The following CIITA variants were observed in gnomAD, a reference collection of about 807,000 sequenced individuals.
The protein encoded by CIITA is class II major histocompatibility complex transactivator.
In CIITA, 72 loss-of-function variants were observed where a neutral mutation model predicts 115.1. That is an observed-to-expected ratio of 0.63 (90% CI 0.52 to 0.76). The LOEUF (loss-of-function observed/expected upper bound fraction) is 0.76, where lower values mean the gene tolerates loss of function less well. Among genes scored for constraint, CIITA ranks in the 30% least tolerant of loss-of-function variants. CIITA has a pLI of 0.00. For synonymous variants in CIITA, 763 were observed against 635.6 expected (o/e 1.20, Z -3.02); for missense variants, 1,617 against 1,463.8 (o/e 1.10, Z -1.71).
chr16:10,941,846 C>A lies in CIITA; in HGVS notation n.972C>A, dbSNP rs752920646. 31 of 1,612,892 alleles carry A rather than the reference C, an allele frequency of 1.9e-5. No individual in the cohort carries two copies. Among genetic ancestry groups the A allele is most frequent in the Middle Eastern group, 1.8e-4 (1 of 5,416 alleles). On this transcript the variant is annotated non_coding_transcript_exon_variant, in exon 2 of 2. Coordinates refer to the CIITA transcript ENST00000573379. This position sits in a 1 kb window ranked among gnomAD's most constrained non-coding sequence, Gnocchi z 6.4. ...TCCTCGGGCAGGAAGACGAGGCCCA[C>A]GTTGAGGACGATGTACTCCATGAGG...
chr16:10,884,787 G>T lies in CIITA; in HGVS notation c.52+7405G>T, dbSNP rs1157090249. ...AAGTGCACCCAACACCCCAGATGCT[G>T]CAACTTTAGTGCTTCCTGCTCCTTC... On this transcript the variant is annotated intron_variant, in intron 1 of 19. Coordinates refer to ENST00000324288, the MANE Select transcript of CIITA (RefSeq NM_000246.4). Among the ~76,000 whole-genome samples, 3 of 152,134 alleles carry T rather than the reference G, an allele frequency of 2.0e-5. No homozygotes were observed. The East Asian group carries it at 5.8e-4, about 29-fold the overall frequency.
chr16:10,868,995 G>T (rs914592337), intron 1 of CIITA, among the ~76,000 whole-genome samples: 5 of 152,226 alleles, frequency 3.3e-5, no homozygotes, highest in African/African-American at 1.2e-4. Context: ...GCTCTCAGAG[G>T]GGAAGAAAGA....
At chr16:10,911,465 C>A (rs915909728) in intron 13 of CIITA, among the ~76,000 whole-genome samples, 4 of 146,802 alleles carry the variant, frequency 2.7e-5, no homozygotes, top group Non-Finnish European at 6.0e-5. Flanking sequence ...CCTTTCTCTC[C>A]TTTCTCTTTC....
At chr16:10,896,280 C>A (rs963322392) in intron 3 of CIITA, among the ~76,000 whole-genome samples, 1 of 152,166 alleles carries the variant, frequency 6.6e-6, no homozygotes, top group African/African-American at 2.4e-5. Context: ...AGAGGTGAAA[C>A]GACCTACCCA....
At chr16:10,916,526 T>C (rs2039962286) in intron 15 of CIITA, 67 bp downstream of exon 15, 1 of 1,387,102 alleles carries the variant, frequency 7.2e-7, no homozygotes. Context: ...TTTTTCAAAA[T>C]TAATTTAAAT....
chr16:10,916,500 C>A, intron 15 of CIITA, 41 bp downstream of exon 15: 1 of 1,548,776 alleles, frequency 6.5e-7, no homozygotes, highest in East Asian at 2.3e-5. Flanking sequence ...AATCGGGCCC[C>A]CAAAGTCCGG....
chr16:10,874,170 G>A (rs907268362), upstream of CIITA, among the ~76,000 whole-genome samples: 5 of 152,038 alleles, frequency 3.3e-5, no homozygotes, highest in Non-Finnish European at 5.9e-5. Flanking sequence ...TTTTAGTAGA[G>A]ACAGGGTTTC....
Position 10,941,505 on chromosome 16 carries a change from A to C in CIITA, n.631A>C. 7.3e-7 allele frequency: 1 copy of C among 1,372,052 alleles called. No individual in the cohort carries two copies. The highest frequency in any genetic ancestry group is 2.8e-5 in the East Asian group (1 of 35,388). 85.0% of individuals were successfully genotyped at this position (1,372,052 alleles called of 1,614,324 possible). A position where few individuals can be genotyped will look rare whatever the true frequency, so the allele number is the denominator to read the frequency against. ...GGGAGGGGTGTGTATCCGGCCTGGG[A>C]ATTCCTCCCTCTCCCTTGCTAGCGC... On this transcript the variant is annotated non_coding_transcript_exon_variant, in exon 2 of 2. Coordinates refer to the CIITA transcript ENST00000573379. The surrounding 1 kb of genome is among the most constrained non-coding windows in gnomAD (Gnocchi z 6.4).
chr16:10,919,012 A>G lies in CIITA; in HGVS notation c.3149+486A>G, dbSNP rs1346859200. ...CCCTGGTGTGGTCCCAGAGGTAATG[A>G]GCGGACTGAGCTTGGACCAGAGCCC... On this transcript the variant is annotated intron_variant, in intron 16 of 19. Transcript: ENST00000324288. 3.3e-5 allele frequency among the ~76,000 whole-genome samples: 5 copies of G among 152,020 alleles called. 1 individual carries two copies. Among genetic ancestry groups the G allele is most frequent in the African/African-American group, 1.2e-4 (5 of 41,358 alleles).
chr16:10,883,017 A>G (rs1404670786), intron 1 of CIITA, among the ~76,000 whole-genome samples: 2 of 152,116 alleles, frequency 1.3e-5, no homozygotes, highest in Non-Finnish European at 2.9e-5. Context: ...ATTCTCACTC[A>G]CAGCCAAGCC....
Position 10,907,242 on chromosome 16 carries a change from A to C in CIITA, c.1750A>C (p.Ser584Arg). The C allele has an allele frequency of 3.7e-6, 6 of 1,612,824 alleles. No homozygotes were observed. The highest frequency in any genetic ancestry group is 5.1e-6 in the Non-Finnish European group (6 of 1,179,862). ...GGCATACGTGATGCGCTACTTTGAG[A>C]GCTCAGGGATGACAGAGCACCAAGA... is the stretch of plus-strand genomic sequence containing the variant. The part of the protein sequence containing the change: ...AQAYVMRYFE[S>R]SGMTEHQDRA... Residue 584 changes from serine to arginine, a missense_variant, in exon 11 of 20, where the codon AGC becomes CGC. Coordinates refer to ENST00000324288, the MANE Select transcript of CIITA (RefSeq NM_000246.4). The surrounding 1 kb of genome is among the most constrained non-coding windows in gnomAD (Gnocchi z 5.0).
rs1440531921 is a variant in CIITA, at chr16:10,931,391, CA to C, written c.*7537del. ...CCACAAACCGCATCCCCGACAGTCC[CA>C]GCCAGGCGCTAGTCTGGCTGTAGCT... On this transcript the variant is annotated 3_prime_UTR_variant, in exon 20 of 20. Coordinates refer to ENST00000324288, the MANE Select transcript of CIITA (RefSeq NM_000246.4). The C allele has an allele frequency of 6.6e-6, 1 of 152,282 alleles. No homozygotes were observed. The highest frequency in any genetic ancestry group is 1.5e-5 in the Non-Finnish European group (1 of 68,080). The allele number at this position is 152,282 out of a possible 1,614,324, so 9.4% of individuals were successfully genotyped here. A position where few individuals can be genotyped will look rare whatever the true frequency, so the allele number is the denominator to read the frequency against.
In CIITA at chr16:10,934,801, A is replaced by G. The variant is rs2040957703; in HGVS notation, c.*10946A>G. The G allele has an allele frequency of 6.6e-6, 1 of 152,230 alleles. No individual in the cohort carries two copies. Among genetic ancestry groups the G allele is most frequent in the African/African-American group, 2.4e-5 (1 of 41,456 alleles). The allele number at this position is 152,230 out of a possible 1,614,324, so 9.4% of individuals were successfully genotyped here. ...CTTGAGGGAGTTCCCCGCCACTCCA[A>G]GCTTGGGGCCTGGGATGGCAGCTGT... On this transcript the variant is annotated 3_prime_UTR_variant, in exon 20 of 20. Coordinates refer to ENST00000324288, the MANE Select transcript of CIITA (RefSeq NM_000246.4). The surrounding 1 kb of genome is among the most constrained non-coding windows in gnomAD (Gnocchi z 4.2).
At chr16:10,894,637 A>G (rs2037940029) in intron 1 of CIITA, among the ~76,000 whole-genome samples, 1 of 152,268 alleles carries the variant, frequency 6.6e-6, no homozygotes, top group Admixed American at 6.5e-5. Context: ...GCCCTTCAAC[A>G]AATGATGAGG....
chr16:10,916,758 A>C, intron 15 of CIITA: 1 of 474,060 alleles, frequency 2.1e-6, no homozygotes, highest in Non-Finnish European at 3.9e-6. Context: ...TCAATGATTC[A>C]TCCATTCACT....
rs1158985421 is a variant in CIITA, at chr16:10,927,689, C to A, written c.*3834C>A. ...GGAGTCCTGGTGTGGAGCCTTTTAA[C>A]CCAGAGGGGCATCTTTTCGTAGTTA... is the stretch of plus-strand genomic sequence containing the variant. On this transcript the variant is annotated 3_prime_UTR_variant, in exon 20 of 20. Transcript: ENST00000324288. The A allele has an allele frequency of 6.6e-6, 1 of 152,160 alleles. No homozygotes were observed. The highest frequency in any genetic ancestry group is 2.4e-5 in the African/African-American group (1 of 41,432). 9.4% of individuals were successfully genotyped at this position (152,160 alleles called of 1,614,324 possible).
intron 14 of CIITA, 83 bp from the exon 15 acceptor site, chr16:10,916,284 G>A: frequency 1.5e-6 from 2 of 1,305,934 alleles, no homozygotes; most frequent in Non-Finnish European, 2.2e-6. Context: ...AGGTGCCAGG[G>A]CTGAGGAGGC....
chr16:10,906,805 C>T lies in CIITA; in HGVS notation c.1313C>T (p.Ala438Val), dbSNP rs765200122. The T allele has an allele frequency of 1.2e-6, 2 of 1,612,460 alleles. No homozygotes were observed. The highest frequency in any genetic ancestry group is 1.7e-6 in the Non-Finnish European group (2 of 1,180,028). ...GCTGGGGCAGTGAGCCGGGCCTGGG[C>T]TTGTGGCCGGCTTCCCCAGTACGAC... ...YWAGAVSRAW[A>V]CGRLPQYDFV... Residue 438 changes from alanine (A) to valine (V), a missense_variant, in exon 11 of 20, where the codon GCT becomes GTT. Transcript: ENST00000324288.
At chr16:10,877,796 G>A (rs1050167579) in intron 1 of CIITA, among the ~76,000 whole-genome samples, 2 of 152,208 alleles carry the variant, frequency 1.3e-5, no homozygotes, top group African/African-American at 2.4e-5. Context: ...ACCAAAATTG[G>A]AGTCAGCCTT....
Sources: allele counts gnomAD v4.1 joint callset (sites outside exome capture counted in the v4.1 genomes callset), GRCh38; gene constraint gnomAD v4.1.1; non-coding constraint Gnocchi (gnomAD v3.1); transcripts MANE v1.5; gene names NCBI Gene and HGNC (gene_info 2026-07-23, HGNC 2026-07-21).